CUX2: variants seen among roughly 807,000 people sequenced by gnomAD.
CUX2 encodes cut like homeobox 2.
In CUX2, 40 loss-of-function variants were observed where a neutral mutation model predicts 144.8. That is an observed-to-expected ratio of 0.28 (90% CI 0.21 to 0.36). The LOEUF (loss-of-function observed/expected upper bound fraction) is 0.36, where lower values mean the gene tolerates loss of function less well. Among genes scored for constraint, CUX2 ranks in the 10% least tolerant of loss-of-function variants. The pLI, the probability that CUX2 is intolerant of heterozygous loss-of-function variation, is 1.00. For synonymous variants in CUX2, 827 were observed against 875.6 expected (o/e 0.94, Z 0.98); for missense variants, 1,615 against 1,994.0 (o/e 0.81, Z 3.62).
Position 111,347,847 on chromosome 12 carries a change from C to G in CUX2, c.3983C>G (p.Pro1328Arg), listed in dbSNP as rs762159221. The change falls in exon 22 of 22, where the codon CCC (proline) becomes CGC (arginine). Residue 1328 changes from proline (P) to arginine (R), a missense_variant. This residue lies in a region of CUX2 where 298 missense variants were observed against 330.4 expected (regional missense o/e 0.90). Coordinates refer to ENST00000261726, the MANE Select transcript of CUX2 (RefSeq NM_015267.4). ...GAGCTGGACAAAGGCCAAGGTCCCC[C>G]CAAAGAGGAGCATCCCGACCCTCCG... ...SGELDKGQGPPKEEHPDPPGN... is the reference protein window; with the variant it reads ...SGELDKGQGPRKEEHPDPPGN... 2 of 1,614,070 alleles carry G rather than the reference C, an allele frequency of 1.2e-6. No homozygotes were observed. Among genetic ancestry groups the G allele is most frequent in the African/African-American group, 1.3e-5 (1 of 74,998 alleles).
intron 19 of CUX2, 43 bp downstream of exon 19, chr12:111,334,753 G>A: frequency 5.2e-6 from 8 of 1,545,808 alleles, no homozygotes; most frequent in Non-Finnish European, 7.0e-6. Flanking sequence ...TCCCACCTGG[G>A]TTGGCTCCTA....
At chr12:111,264,294 G>T (rs1338554711) in intron 4 of CUX2, among the ~76,000 whole-genome samples, 2 of 152,142 alleles carry the variant, frequency 1.3e-5, no homozygotes, top group Non-Finnish European at 2.9e-5. Context: ...ACATCCTGTA[G>T]GATTCCACCT....
chr12:111,278,724 A>AAACATTTTAAAGAT (rs1341153042), intron 4 of CUX2, among the ~76,000 whole-genome samples: 8 of 152,184 alleles, frequency 5.3e-5, no homozygotes, highest in Non-Finnish European at 5.9e-5. Flanking sequence ...AACGTTTTCC[A>AAACATTTTAAAGAT]AACATTTTAA....
chr12:111,345,671 G>A lies in CUX2; in HGVS notation c.3660-1853G>A, dbSNP rs191435595. ...GCAGGAGAATGGCGTAAACCCGGGA[G>A]CTTGCGGTGAGCCAAGATCGCGCCA... On this transcript the variant is annotated intron_variant, in intron 21 of 21. Transcript: ENST00000261726. 2.7e-5 allele frequency among the ~76,000 whole-genome samples: 4 copies of A among 150,518 alleles called. No homozygotes were observed. The East Asian group carries it at 7.8e-4, about 29-fold the overall frequency.
intron 1 of CUX2, among the ~76,000 whole-genome samples, chr12:111,145,255 A>C (rs1876593994): frequency 6.6e-6 from 1 of 152,122 alleles, no homozygotes; most frequent in African/African-American, 2.4e-5. Context: ...AACCCCCTCT[A>C]TCCATGTGGG....
chr12:111,312,222 CA>C lies in CUX2; in HGVS notation c.2002+24del. ...GGGCGGTGAGTGTGACCCCTGCAGG[CA>C]AAGCCTGAGGCCCCCGGGGCCAGCT... is the stretch of plus-strand genomic sequence containing the variant. On this transcript the variant is annotated intron_variant, in intron 16 of 21. Transcript: ENST00000261726. The surrounding 1 kb of genome is among the most constrained non-coding windows in gnomAD (Gnocchi z 4.3). 6.3e-7 allele frequency: 1 copy of C among 1,584,370 alleles called. No individual in the cohort carries two copies. Among genetic ancestry groups the C allele is most frequent in the Non-Finnish European group, 8.6e-7 (1 of 1,161,758 alleles).
intron 4 of CUX2, among the ~76,000 whole-genome samples, chr12:111,279,967 C>T (rs1389650403): frequency 1.3e-5 from 2 of 148,360 alleles, no homozygotes; most frequent in African/African-American, 2.5e-5. Context: ...GGCGAAAGAG[C>T]GAGACTCCGT....
chr12:111,258,372 G>A (rs1592891512), intron 3 of CUX2, among the ~76,000 whole-genome samples: 1 of 152,130 alleles, frequency 6.6e-6, no homozygotes, highest in Admixed American at 6.6e-5. Flanking sequence ...AATTAGCCAG[G>A]CGTGGTAGTG....
chr12:111,206,363 T>G (rs995741405), intron 1 of CUX2, among the ~76,000 whole-genome samples: 1 of 152,206 alleles, frequency 6.6e-6, no homozygotes, highest in Non-Finnish European at 1.5e-5. Flanking sequence ...TTTGCAACAT[T>G]CCCATTTCCT....
At chr12:111,066,035 G>T (rs1396650589) in intron 1 of CUX2, among the ~76,000 whole-genome samples, 18 of 152,254 alleles carry the variant, frequency 1.2e-4, no homozygotes, top group Admixed American at 1.2e-3. Context: ...GGCAGAGACA[G>T]ATCAAGGCAT....
intron 2 of CUX2, among the ~76,000 whole-genome samples, chr12:111,216,074 C>T (rs1881510855): frequency 6.6e-6 from 1 of 152,226 alleles, no homozygotes; most frequent in Admixed American, 6.5e-5. Flanking sequence ...CTCCTGCTCG[C>T]GCCTGTGCTC....
intron 19 of CUX2, among the ~76,000 whole-genome samples, 170 bp from the exon 20 acceptor site, chr12:111,338,116 C>G (rs889543868): frequency 3.9e-5 from 6 of 152,184 alleles, no homozygotes; most frequent in Non-Finnish European, 8.8e-5. Context: ...AGACCCCCCT[C>G]GGCTTCACAT....
At chr12:111,245,421 G>C (rs970722142) in intron 3 of CUX2, among the ~76,000 whole-genome samples, 1 of 151,424 alleles carries the variant, frequency 6.6e-6, no homozygotes, top group East Asian at 1.9e-4. Flanking sequence ...TTTTTCCATT[G>C]TTTTGATGCT....
chr12:111,066,768 A>C (rs182048047), intron 1 of CUX2, among the ~76,000 whole-genome samples: 11 of 152,280 alleles, frequency 7.2e-5, no homozygotes, highest in Non-Finnish European at 5.9e-5. Context: ...TTTAAAATCC[A>C]TTGGAATCAA....
At position 111,061,178 on chromosome 12, in the gene CUX2, G is replaced by GCACACGCA. The variant is rs1555265591; in HGVS notation, c.63+26943_63+26944insGCACACAC. Among the ~76,000 whole-genome samples, 1 of 143,632 alleles carries GCACACGCA rather than the reference G, an allele frequency of 7.0e-6. No homozygotes were observed. Among genetic ancestry groups the GCACACGCA allele is most frequent in the Non-Finnish European group, 1.5e-5 (1 of 65,290 alleles). The allele number at this position is 143,632 out of a possible 152,430, so 94.2% of individuals were successfully genotyped here. ...TGTCCCCAGATGTGTGCATGCATAT[G>GCACACGCA]CACACACACACACACACACACACAC... On this transcript the variant is annotated intron_variant, in intron 1 of 21. Coordinates refer to ENST00000261726, the MANE Select transcript of CUX2 (RefSeq NM_015267.4). The surrounding 1 kb of genome is among the most constrained non-coding windows in gnomAD (Gnocchi z 4.2).
intron 16 of CUX2, among the ~76,000 whole-genome samples, chr12:111,317,721 C>T (rs563995554): frequency 2.0e-5 from 3 of 152,264 alleles, no homozygotes; most frequent in South Asian, 2.1e-4. Context: ...ACCGACCGGG[C>T]GCGGTGGCTC....
chr12:111,301,361 A>G (rs1318500517), intron 9 of CUX2, among the ~76,000 whole-genome samples: 1 of 152,124 alleles, frequency 6.6e-6, no homozygotes, highest in Non-Finnish European at 1.5e-5. Context: ...GACCGCCCCA[A>G]TTCTGAATCT....
chr12:111,100,183 G>C lies in CUX2; in HGVS notation c.63+65943G>C, dbSNP rs181814169. ...GATGTGAGAGCAGGAGCCTGTGACT[G>C]TGTGTGTGTGTGTGTGTGTATGTGT... On this transcript the variant is annotated intron_variant, in intron 1 of 21. Coordinates refer to ENST00000261726, the MANE Select transcript of CUX2 (RefSeq NM_015267.4). The C allele has an allele frequency of 1.2e-3, 244 of 205,784 alleles. No homozygotes were observed. The East Asian group carries it at 0.029, about 24-fold the overall frequency. The allele number at this position is 205,784 out of a possible 1,614,324, so 12.7% of individuals were successfully genotyped here.
At chr12:111,094,096 A>C (rs1483067724) in intron 1 of CUX2, among the ~76,000 whole-genome samples, 2 of 152,254 alleles carry the variant, frequency 1.3e-5, no homozygotes, top group Non-Finnish European at 1.5e-5. Context: ...GACAGGGGAC[A>C]GTGTATTATT....
Sources: gnomAD v4.1 joint callset for allele counts (sites outside exome capture counted in the v4.1 genomes callset) on GRCh38, gnomAD v4.1.1 for gene constraint, gnomAD v4.1.1 regional missense constraint, Gnocchi (gnomAD v3.1) non-coding constraint, MANE v1.5 for transcripts, NCBI Gene and HGNC (gene_info 2026-07-23, HGNC 2026-07-21) for gene names.